Variants in AGO3 observed in about 807,000 individuals in gnomAD.
AGO3 encodes the protein protein argonaute-3.
Under a neutral mutation model 105.5 loss-of-function variants are expected in AGO3, and 16 were observed. That is an observed-to-expected ratio of 0.15 (90% CI 0.10 to 0.23). The LOEUF is 0.23. Ranked by LOEUF, AGO3 falls within the 10% of genes least tolerant of loss-of-function variation. AGO3 has a pLI of 1.00. For synonymous variants in AGO3, 340 were observed against 367.3 expected, an observed-to-expected ratio of 0.93 and a Z score of 0.85; for missense variants, 534 against 1,088.0, an observed-to-expected ratio of 0.49 and a Z score of 7.16.
chr1:35,944,361 T>C (rs1177453555), intron 1 of AGO3, among the ~76,000 whole-genome samples: 1 of 151,986 alleles, frequency 6.6e-6, no homozygotes, highest in Non-Finnish European at 1.5e-5. Context: ...TATAGTACTT[T>C]AGTGTATCAG....
chr1:35,994,045 T>A (rs1648011984), intron 5 of AGO3, among the ~76,000 whole-genome samples: 2 of 133,840 alleles, frequency 1.5e-5, no homozygotes, highest in Non-Finnish European at 3.2e-5. Flanking sequence ...CGCCCAGATT[T>A]TTTTTTTTTT....
intron 11 of AGO3, among the ~76,000 whole-genome samples, chr1:36,021,980 G>A (rs140452599): frequency 6.6e-6 from 1 of 151,296 alleles, no homozygotes; most frequent in Non-Finnish European, 1.5e-5. Context: ...TTTAAAAGAG[G>A]GAATAAAAAT....
intron 5 of AGO3, among the ~76,000 whole-genome samples, chr1:35,990,097 G>A (rs765204937): frequency 2.0e-5 from 3 of 152,066 alleles, no homozygotes; most frequent in Non-Finnish European, 2.9e-5. Context: ...TATTTAAAGC[G>A]GGAGAAGTTC....
intron 1 of AGO3, among the ~76,000 whole-genome samples, chr1:35,931,947 G>A (rs1009218872): frequency 6.6e-6 from 1 of 152,226 alleles, no homozygotes; most frequent in South Asian, 2.1e-4. Flanking sequence ...GTTCTTTTCT[G>A]TTGTTTGTGG....
intron 11 of AGO3, among the ~76,000 whole-genome samples, chr1:36,020,761 G>A (rs751716381): frequency 6.6e-5 from 10 of 151,998 alleles, no homozygotes; most frequent in Non-Finnish European, 1.2e-4. Flanking sequence ...GACTACAGGC[G>A]CATGCCACCA....
At chr1:35,940,921 CCA>C (rs1646241485) in intron 1 of AGO3, among the ~76,000 whole-genome samples, 1 of 152,086 alleles carries the variant, frequency 6.6e-6, no homozygotes, top group Non-Finnish European at 1.5e-5. Context: ...TGTATCCATG[CCA>C]CAGTCTGTCT....
rs145896554 is a variant in AGO3, at chr1:35,972,198, G to A, written c.487G>A (p.Val163Ile). The A allele has an allele frequency of 9.3e-6, 15 of 1,613,900 alleles. No individual in the cohort carries two copies. The highest frequency in any genetic ancestry group is 6.7e-5 in the African/African-American group (5 of 74,902). ...KPISTNPVHAVDVVLRHLPSM... is the reference protein window; with the variant it reads ...KPISTNPVHAIDVVLRHLPSM... ...AATCAGCACTAACCCTGTCCATGCC[G>A]TTGATGTGGTGCTACGACATCTGCC... is the stretch of plus-strand genomic sequence containing the variant. The change falls in exon 4 of 19, where the codon GTT becomes ATT. Residue 163 changes from valine to isoleucine, a missense_variant. Physicochemically the swap from Val to Ile is conservative, Grantham distance 29. Around this residue, in one of 2 missense-constraint regions of AGO3, gnomAD observed 161 missense variants for 234.0 expected, o/e 0.69. Transcript: ENST00000373191.
At chr1:35,972,332 T>A (rs540858839) in intron 4 of AGO3, 100 bp downstream of exon 4, 1 of 1,300,206 alleles carries the variant, frequency 7.7e-7, no homozygotes, top group Non-Finnish European at 1.1e-6. Context: ...ATATTTTGAT[T>A]GTTCAACTGA....
At chr1:35,956,218 T>C (rs943193741) in intron 2 of AGO3, among the ~76,000 whole-genome samples, 1 of 152,160 alleles carries the variant, frequency 6.6e-6, no homozygotes, top group South Asian at 2.1e-4. Flanking sequence ...AATTTAGGTA[T>C]GTAAGGAAAG....
intron 5 of AGO3, among the ~76,000 whole-genome samples, chr1:35,994,669 T>C (rs1648100985): frequency 6.6e-6 from 1 of 152,126 alleles, no homozygotes. Flanking sequence ...AATTAGTACA[T>C]GAATTTAGTG....
intron 2 of AGO3, among the ~76,000 whole-genome samples, chr1:35,950,789 C>T (rs1012071777): frequency 6.6e-6 from 1 of 152,058 alleles, no homozygotes; most frequent in Non-Finnish European, 1.5e-5. Context: ...CCTCTAAATA[C>T]ACCTTGAATA....
At chr1:35,993,356 G>A (rs934900296) in intron 5 of AGO3, among the ~76,000 whole-genome samples, 1 of 152,090 alleles carries the variant, frequency 6.6e-6, no homozygotes, top group Non-Finnish European at 1.5e-5. Flanking sequence ...AAAAAAATAA[G>A]TAGGATTAAT....
rs1553170950 is a variant in AGO3 at position 36,043,158 on chromosome 1, TA to T, written c.2173-281del. The T allele has an allele frequency of 8.7e-5, 24 of 277,108 alleles. No individual in the cohort carries two copies. In the Middle Eastern group the frequency reaches 5.4e-3, roughly 62 times the overall value. The allele number at this position is 277,108 out of a possible 1,614,324, so 17.2% of individuals were successfully genotyped here. ...TAAATTGGAGCACTTTAAGTTAATTTAAAAAAAATTTTTTTTAGTGTCTTCC... is the reference window on the plus strand; with the variant it reads ...TAAATTGGAGCACTTTAAGTTAATTTAAAAAAATTTTTTTTAGTGTCTTCC... On this transcript the variant is annotated intron_variant, in intron 16 of 18. Transcript: ENST00000373191.
chr1:35,938,526 A>G (rs542970175), intron 1 of AGO3, among the ~76,000 whole-genome samples: 17 of 152,246 alleles, frequency 1.1e-4, no homozygotes, highest in South Asian at 2.1e-4. Context: ...TATCTTTCCC[A>G]TATCATTACT....
intron 2 of AGO3, among the ~76,000 whole-genome samples, chr1:35,950,421 A>C (rs1272086031): frequency 2.0e-5 from 3 of 152,214 alleles, no homozygotes; most frequent in Non-Finnish European, 4.4e-5. Context: ...CTTTAGTTGG[A>C]GTCTTCTTAG....
chr1:35,976,963 TC>T (rs1316728589), intron 5 of AGO3, among the ~76,000 whole-genome samples: 19 of 152,126 alleles, frequency 1.2e-4, no homozygotes, highest in African/African-American at 4.3e-4. Context: ...TTCGTAGAAT[TC>T]CCCTATAAAA....
chr1:36,050,649 G>A (rs1008309129), intron 17 of AGO3, among the ~76,000 whole-genome samples: 17 of 149,664 alleles, frequency 1.1e-4, no homozygotes, highest in Middle Eastern at 3.7e-3. Flanking sequence ...AAAATTAGCC[G>A]GGTGTGGTGG....
At position 35,956,642 on chromosome 1, in the gene AGO3, T is replaced by G. The variant is rs532281332; in HGVS notation, c.192-10313T>G. ...GATCATGATTTTCTTTTTTTGTTTT[T>G]TTTTTTTTTTCTTTTGGAGAGGGAG... On this transcript the variant is annotated intron_variant, in intron 2 of 18. Coordinates refer to ENST00000373191, the MANE Select transcript of AGO3 (RefSeq NM_024852.4). 4.0e-5 allele frequency among the ~76,000 whole-genome samples: 6 copies of G among 151,688 alleles called. No homozygotes were observed. The South Asian group carries it at 1.0e-3, about 26-fold the overall frequency.
Position 35,945,681 on chromosome 1 carries a change from TCCC to T in AGO3, c.20-9_20-7del. On this transcript the variant is annotated splice_region_variant and splice_polypyrimidine_tract_variant and intron_variant, in intron 1 of 18. Transcript: ENST00000373191. ...AACTGTGACTCTTTTTTTTTCCCTT[TCCC>T]CTGGCAGGACCCGCTGGGGCCCAGC... 1.2e-6 allele frequency: 2 copies of T among 1,607,034 alleles called. No individual in the cohort carries two copies. The highest frequency in any genetic ancestry group is 1.7e-5 in the Admixed American group (1 of 58,390).
Sources: allele counts gnomAD v4.1 joint callset (sites outside exome capture counted in the v4.1 genomes callset), GRCh38; gene constraint gnomAD v4.1.1; regional missense constraint gnomAD v4.1.1; transcripts MANE v1.5; gene names NCBI Gene and HGNC (gene_info 2026-07-23, HGNC 2026-07-21).